The following STOX1 variants were observed in gnomAD, a reference collection of about 807,000 sequenced individuals.
The protein encoded by STOX1 is storkhead-box protein 1.
A neutral mutation model predicts 74.8 loss-of-function variants in STOX1; 57 were observed. That is an observed-to-expected ratio of 0.76 (90% CI 0.62 to 0.95). STOX1 has a LOEUF of 0.95. STOX1 is among the 40% of genes least tolerant of loss of function. The pLI, the probability that STOX1 is intolerant of heterozygous loss-of-function variation, is 0.00. For synonymous variants in STOX1, 375 were observed against 401.3 expected, an observed-to-expected ratio of 0.93 and a Z score of 0.78; for missense variants, 1,010 against 1,117.0, an observed-to-expected ratio of 0.90 and a Z score of 1.37.
In STOX1 at chr10:68,884,979, A is replaced by G. The variant is rs114981384; in HGVS notation, c.1183A>G (p.Thr395Ala). The G allele has an allele frequency of 1.6e-3, 2,565 of 1,614,210 alleles. 37 individuals carry two copies. The African/African-American group carries it at 0.03, about 19-fold the overall frequency. Reference protein sequence around the residue: ...EEQKKYNSQGTSTDMLTIGHK... With the variant: ...EEQKKYNSQGASTDMLTIGHK... ...ACAGAAAAAATATAATAGCCAGGGC[A>G]CTTCCACTGACATGCTGACAATCGG... The change falls in exon 3 of 4, where the codon ACT becomes GCT. Residue 395 changes from threonine (T) to alanine (A), a missense_variant. Physicochemically the swap from Thr to Ala is moderately conservative, Grantham distance 58. Coordinates refer to ENST00000298596, the MANE Select transcript of STOX1 (RefSeq NM_152709.5).
intron 1 of STOX1, among the ~76,000 whole-genome samples, chr10:68,873,073 C>T (rs1387989991): frequency 6.6e-6 from 1 of 152,080 alleles, no homozygotes; most frequent in East Asian, 1.9e-4. Context: ...GCAGTGCCAT[C>T]ATCATAGATC....
chr10:68,835,978 TCTC>T (rs1185733834), intron 1 of STOX1, among the ~76,000 whole-genome samples: 7 of 152,082 alleles, frequency 4.6e-5, no homozygotes, highest in African/African-American at 1.7e-4. Flanking sequence ...TTCAAGCAAT[TCTC>T]CTGCCTCAGC....
chr10:68,885,020 A>G lies in STOX1; in HGVS notation c.1224A>G (p.Ser408=). ...TGACAATCGGGCATAAGTATCCTTC[A>G]AAAGAGGGGGTTAAGAAAAGGCAGG... ...DMLTIGHKYP[S]KEGVKKRQGL... is the part of the protein sequence containing the mutation. Residue 408 remains serine (S), a synonymous_variant, in exon 3 of 4, where the codon TCA becomes TCG. Coordinates refer to ENST00000298596, the MANE Select transcript of STOX1 (RefSeq NM_152709.5). 6.2e-7 allele frequency: 1 copy of G among 1,614,202 alleles called. No individual in the cohort carries two copies. Among genetic ancestry groups the G allele is most frequent in the Non-Finnish European group, 8.5e-7 (1 of 1,180,040 alleles).
rs763872265 is a variant in STOX1 at position 68,882,027 on chromosome 10, G to C, written c.380G>C (p.Cys127Ser). ...SQFVPLGEVL[C>S]CAISDMNTAQ... ...TTCGTACCTTTGGGTGAAGTTCTTTGCTGTGCTATATCTGATATGAATACA... is the reference window on the plus strand; with the variant it reads ...TTCGTACCTTTGGGTGAAGTTCTTTCCTGTGCTATATCTGATATGAATACA... Residue 127 changes from cysteine (C) to serine (S), a missense_variant, in exon 2 of 4, where the codon TGC becomes TCC. By Grantham distance (112) the Cys-to-Ser change is moderately radical. Coordinates refer to ENST00000298596, the MANE Select transcript of STOX1 (RefSeq NM_152709.5). 1 of 1,613,302 alleles carries C rather than the reference G, an allele frequency of 6.2e-7. No individual in the cohort carries two copies. The highest frequency in any genetic ancestry group is 8.5e-7 in the Non-Finnish European group (1 of 1,179,686).
intron 1 of STOX1, among the ~76,000 whole-genome samples, chr10:68,848,441 C>G (rs1482288670): frequency 6.6e-6 from 1 of 152,134 alleles, no homozygotes; most frequent in Non-Finnish European, 1.5e-5. Flanking sequence ...AGCTGCAATG[C>G]CACTGGTCAG....
intron 1 of STOX1, among the ~76,000 whole-genome samples, chr10:68,842,541 T>C (rs563260810): frequency 0.013 from 1,815 of 139,840 alleles, 48 homozygotes; most frequent in African/African-American, 0.046. Context: ...CATTTCTTTT[T>C]TTTTTTTTTT....
At chr10:68,846,127 TATTATTATTATTA>T in intron 1 of STOX1, among the ~76,000 whole-genome samples, 2 of 95,616 alleles carry the variant, frequency 2.1e-5, no homozygotes, top group East Asian at 5.6e-4. Flanking sequence ...TTTTTATTAT[TATTATTATTATTA>T]TTATTATTAT....
chr10:68,873,965 G>GT (rs950012645), intron 1 of STOX1, among the ~76,000 whole-genome samples: 2 of 73,994 alleles, frequency 2.7e-5, no homozygotes, highest in Non-Finnish European at 2.7e-5. Context: ...TTTGTTTTTT[G>GT]TTTTTTTTAA....
At chr10:68,851,991 A>G (rs539655372) in intron 1 of STOX1, among the ~76,000 whole-genome samples, 1 of 151,722 alleles carries the variant, frequency 6.6e-6, no homozygotes, top group East Asian at 2.0e-4. Flanking sequence ...AAAATTAGCC[A>G]GGCGTGGTGG....
chr10:68,828,472 G>A (rs1202491734), intron 1 of STOX1, among the ~76,000 whole-genome samples: 1 of 152,180 alleles, frequency 6.6e-6, no homozygotes, highest in Non-Finnish European at 1.5e-5. Flanking sequence ...TGCAGCTATA[G>A]TCCCCAAGGT....
intron 1 of STOX1, among the ~76,000 whole-genome samples, chr10:68,846,141 TTATTA>T (rs1156524272): frequency 6.8e-6 from 1 of 147,280 alleles, no homozygotes; most frequent in Non-Finnish European, 1.5e-5. Context: ...ATTATTATTA[TTATTA>T]TTATTATTAT....
At chr10:68,852,132 T>C (rs1214204861) in intron 1 of STOX1, among the ~76,000 whole-genome samples, 2 of 151,406 alleles carry the variant, frequency 1.3e-5, no homozygotes, top group East Asian at 3.9e-4. Flanking sequence ...AGACTCCCTC[T>C]CAAAAATAAA....
intron 1 of STOX1, among the ~76,000 whole-genome samples, chr10:68,841,902 C>T (rs1257005378): frequency 6.6e-6 from 1 of 152,122 alleles, no homozygotes; most frequent in Admixed American, 6.6e-5. Flanking sequence ...TCATCTTGTC[C>T]CATGAGCCCA....
intron 1 of STOX1, among the ~76,000 whole-genome samples, chr10:68,852,300 G>A (rs571061668): frequency 4.7e-4 from 60 of 129,010 alleles, no homozygotes; most frequent in African/African-American, 1.2e-3. Flanking sequence ...CGCCCAGGCC[G>A]GACTGTGGAC....
chr10:68,873,870 C>T (rs561390230), intron 1 of STOX1, among the ~76,000 whole-genome samples: 3 of 150,700 alleles, frequency 2.0e-5, no homozygotes, highest in East Asian at 3.9e-4. Context: ...AGGCTGGTCT[C>T]GAACCCCTGA....
chr10:68,828,185 C>T (rs1269285268), intron 1 of STOX1: 15 of 830,406 alleles, frequency 1.8e-5, no homozygotes, highest in Admixed American at 5.8e-5. Context: ...GGTGCGCGCG[C>T]CCCCCGCCTG....
At chr10:68,878,830 A>T (rs969207554) in intron 1 of STOX1, among the ~76,000 whole-genome samples, 1 of 152,200 alleles carries the variant, frequency 6.6e-6, no homozygotes, top group African/African-American at 2.4e-5. Context: ...TTAACTGCAG[A>T]GCATAATCAA....
chr10:68,886,140 T>C lies in STOX1; in HGVS notation c.2344T>C (p.Tyr782His), dbSNP rs1840947707. Reference protein sequence around the residue: ...QKVIERSLTEYNSTMERVESQ... With the variant: ...QKVIERSLTEHNSTMERVESQ... ...AGTGATTGAGAGATCTCTGACCGAG[T>C]ACAACAGCACAATGGAGAGGGTTGA... The change falls in exon 3 of 4, where the codon TAC becomes CAC. Residue 782 changes from tyrosine to histidine, a missense_variant. Transcript: ENST00000298596. 6.2e-7 allele frequency: 1 copy of C among 1,614,146 alleles called. No individual in the cohort carries two copies. The highest frequency in any genetic ancestry group is 2.2e-5 in the East Asian group (1 of 44,882).
At chr10:68,891,727 G>A (rs112927510) in intron 3 of STOX1, among the ~76,000 whole-genome samples, 10,008 of 151,788 alleles carry the variant, frequency 0.066, 473 homozygotes, top group Non-Finnish European at 0.095. Context: ...ACTTGAACCC[G>A]GAAGGCGGAG....
Sources: gnomAD v4.1 joint callset for allele counts (sites outside exome capture counted in the v4.1 genomes callset) on GRCh38, gnomAD v4.1.1 for gene constraint, MANE v1.5 for transcripts, NCBI Gene and HGNC (gene_info 2026-07-23, HGNC 2026-07-21) for gene names.